The following SURF2 variants were observed in gnomAD, a reference collection of about 807,000 sequenced individuals.
The protein encoded by SURF2 is surfeit 2, also known as surfeit locus protein 2.
SURF2 carries 32 observed loss-of-function variants against 26.2 expected under a neutral mutation model. The ratio of observed to expected loss-of-function variants is 1.22; its 90% CI spans 0.92 to 1.64. The LOEUF (loss-of-function observed/expected upper bound fraction) is 1.64, where lower values mean the gene tolerates loss of function less well. SURF2 is among the 40% of genes most tolerant of loss of function. SURF2 has a pLI of 0.00. For synonymous variants in SURF2, 173 were observed against 139.1 expected, an observed-to-expected ratio of 1.24 and a Z score of -1.71; for missense variants, 415 against 341.6, an observed-to-expected ratio of 1.21 and a Z score of -1.69.
intron 2 of SURF2, 25 bp from the exon 3 acceptor site, chr9:133,357,686 C>T: frequency 2.5e-6 from 4 of 1,610,790 alleles, no homozygotes; most frequent in Non-Finnish European, 2.5e-6. Flanking sequence ...ACTGTCCCTA[C>T]AAATTTGGTC....
At chr9:133,357,163 T>G in intron 2 of SURF2, 95 bp downstream of exon 2, 1 of 1,382,096 alleles carries the variant, frequency 7.2e-7, no homozygotes, top group Non-Finnish European at 9.4e-7. Flanking sequence ...TCTTTCAGAG[T>G]TGGGAGCCCT....
intron 5 of SURF2, 99 bp from the exon 6 acceptor site, chr9:133,360,957 A>C (rs1411598066): frequency 8.0e-7 from 1 of 1,257,622 alleles, no homozygotes; most frequent in Non-Finnish European, 1.1e-6. Flanking sequence ...TTTGACCGAC[A>C]CCTCTGAGGC....
Position 133,360,012 on chromosome 9 carries a change from AGGAG to A in SURF2, c.406_409del (p.Glu136ThrfsTer31). The A allele has an allele frequency of 6.2e-7, 1 of 1,613,986 alleles. No individual in the cohort carries two copies. The highest frequency in any genetic ancestry group is 1.1e-5 in the South Asian group (1 of 91,070). The stretch of plus-strand genomic sequence containing the variant: ...TGCCTGCCTGGTGCACCGGAGGAGG[AGGAG>A]GGAGGACCAGATGGACGGTGACGGG... On this transcript the variant is annotated frameshift_variant, in exon 4 of 6. Transcript: ENST00000371964. LOFTEE classifies it high-confidence loss of function.
chr9:133,361,101 A>C lies in SURF2; in HGVS notation c.733A>C (p.Lys245Gln), dbSNP rs2130057802. 1.9e-6 allele frequency: 3 copies of C among 1,614,202 alleles called. No homozygotes were observed. Among genetic ancestry groups the C allele is most frequent in the Non-Finnish European group, 2.5e-6 (3 of 1,180,014 alleles). ...AAAGAAGTTCAAGAGTCATCACCGCAAACCCAAGAGCTTCAGCTCCTGTAA... is the reference window on the plus strand; with the variant it reads ...AAAGAAGTTCAAGAGTCATCACCGCCAACCCAAGAGCTTCAGCTCCTGTAA... ...LKKKFKSHHR[K>Q]PKSFSSCKQP... Residue 245 changes from lysine (K) to glutamine (Q), a missense_variant, in exon 6 of 6, where the codon AAA becomes CAA. Coordinates refer to ENST00000371964, the MANE Select transcript of SURF2 (RefSeq NM_017503.5).
chr9:133,360,066 G>C lies in SURF2; in HGVS notation c.454G>C (p.Glu152Gln), dbSNP rs2130047373. The C allele has an allele frequency of 6.2e-7, 1 of 1,614,070 alleles. No individual in the cohort carries two copies. The highest frequency in any genetic ancestry group is 2.2e-5 in the East Asian group (1 of 44,874). The change falls in exon 4 of 6, where the codon GAG (glutamate) becomes CAG (glutamine). Residue 152 changes from glutamate to glutamine, a missense_variant. Glu to Gln is a conservative substitution (Grantham distance 29). Transcript: ENST00000371964. Reference protein sequence around the residue: ...DGPRPREAFWEPTSSDEGGAA... With the variant: ...DGPRPREAFWQPTSSDEGGAA... ...GCCTCGCCCGCGGGAAGCCTTCTGG[G>C]AGCCCACATCCAGTGATGAGGGGGG...
chr9:133,361,022 A>G, intron 5 of SURF2, 34 bp from the exon 6 acceptor site: 2 of 1,611,838 alleles, frequency 1.2e-6, no homozygotes, highest in South Asian at 2.2e-5. Context: ...GGGATCAGAA[A>G]GGCTCAGTAA....
rs2130050942 is a variant in SURF2, at chr9:133,360,386, C to G, written c.639C>G (p.Gly213=). ...KPPREKATDE[G]RRETTVYRGL... ...CAAGAGAGAAGGCCACTGATGAGGG[C>G]AGGAGAGAGACGACCGTGTACCGAG... is the stretch of plus-strand genomic sequence containing the variant. Residue 213 remains glycine, a synonymous_variant, in exon 5 of 6, where the codon GGC becomes GGG. Coordinates refer to ENST00000371964, the MANE Select transcript of SURF2 (RefSeq NM_017503.5). 4.3e-6 allele frequency: 7 copies of G among 1,613,274 alleles called. No individual in the cohort carries two copies. The Admixed American group carries it at 5.0e-5, about 12-fold the overall frequency.
intron 2 of SURF2, 67 bp from the exon 3 acceptor site, chr9:133,357,644 G>A: frequency 6.7e-7 from 1 of 1,503,626 alleles, no homozygotes; most frequent in Non-Finnish European, 9.2e-7. Context: ...ATGAGTCCAA[G>A]ACACAGCCAC....
rs1331456508 is a variant in SURF2 at position 133,356,679 on chromosome 9, C to T, written c.78+9C>T. The stretch of plus-strand genomic sequence containing the variant: ...AGACGGACGCCCGCAAGGTTCGCAG[C>T]GCGGGAGGGGAACGGAGTGGCGGAG... On this transcript the variant is annotated intron_variant, in intron 1 of 5. Coordinates refer to ENST00000371964, the MANE Select transcript of SURF2 (RefSeq NM_017503.5). 1.3e-6 allele frequency: 2 copies of T among 1,506,848 alleles called. No homozygotes were observed. Among genetic ancestry groups the T allele is most frequent in the African/African-American group, 1.4e-5 (1 of 70,234 alleles). The allele number at this position is 1,506,848 out of a possible 1,614,324, so 93.3% of individuals were successfully genotyped here. A position where few individuals can be genotyped will look rare whatever the true frequency, so the allele number is the denominator to read the frequency against.
intron 3 of SURF2, among the ~76,000 whole-genome samples, chr9:133,359,501 A>C (rs1283240969): frequency 6.6e-6 from 1 of 152,232 alleles, no homozygotes; most frequent in Non-Finnish European, 1.5e-5. Context: ...AGCAAAGGCC[A>C]GGCAGCCAAC....
At position 133,359,917 on chromosome 9, in the gene SURF2, G is replaced by A. The variant is rs1620024; in HGVS notation, c.338-33G>A. The A allele has an allele frequency of 6.7e-3, 10,611 of 1,577,890 alleles. 56 individuals carry two copies. Among genetic ancestry groups the A allele is most frequent in the Non-Finnish European group, 8.4e-3 (9,778 of 1,160,142 alleles). On this transcript the variant is annotated intron_variant, in intron 3 of 5. Transcript: ENST00000371964. The stretch of plus-strand genomic sequence containing the variant: ...GGCCCAGAGGACCGTGGGGGGTGTG[G>A]AGGTACCCAGCACGTGCTGGCTTAT...
rs2130045618 is a variant in SURF2 at position 133,359,974 on chromosome 9, T to G, written c.362T>G (p.Val121Gly). 3.7e-6 allele frequency: 6 copies of G among 1,611,238 alleles called. No individual in the cohort carries two copies. The African/African-American group carries it at 8.0e-5, about 22-fold the overall frequency. Residue 121 changes from valine (V) to glycine (G), a missense_variant, in exon 4 of 6, where the codon GTG becomes GGG. Coordinates refer to ENST00000371964, the MANE Select transcript of SURF2 (RefSeq NM_017503.5). ...CKYEECQKQG[V>G]EYVPACLVHR... The stretch of plus-strand genomic sequence containing the variant: ...GATGAAGAATGTCAGAAGCAAGGGG[T>G]GGAGTACGTGCCTGCCTGCCTGGTG...
Position 133,356,939 on chromosome 9 carries a change from A to T in SURF2, c.104A>T (p.Glu35Val). 1 of 1,565,640 alleles carries T rather than the reference A, an allele frequency of 6.4e-7. No homozygotes were observed. Among genetic ancestry groups the T allele is most frequent in the Non-Finnish European group, 8.7e-7 (1 of 1,155,730 alleles). The stretch of plus-strand genomic sequence containing the variant: ...GTGAGGTGCATCCTGACAGGTCACG[A>T]GCTGCCCTGCCGCCTGCCGGAGCTC... ...RKVRCILTGHELPCRLPELQV... is the reference protein window; with the variant it reads ...RKVRCILTGHVLPCRLPELQV... The change falls in exon 2 of 6, where the codon GAG (glutamate) becomes GTG (valine). Residue 35 changes from glutamate to valine, a missense_variant. Physicochemically the swap from Glu to Val is moderately radical, Grantham distance 121. Transcript: ENST00000371964.
chr9:133,360,372 G>T lies in SURF2; in HGVS notation c.625G>T (p.Ala209Ser). 1.2e-6 allele frequency: 2 copies of T among 1,613,880 alleles called. No individual in the cohort carries two copies. Among genetic ancestry groups the T allele is most frequent in the Non-Finnish European group, 1.7e-6 (2 of 1,180,016 alleles). Residue 209 changes from alanine to serine, a missense_variant, in exon 5 of 6, where the codon GCC becomes TCC. By Grantham distance (99) the Ala-to-Ser change is moderately conservative. Coordinates refer to ENST00000371964, the MANE Select transcript of SURF2 (RefSeq NM_017503.5). ...GAAGGCAAAGCCCCCAAGAGAGAAG[G>T]CCACTGATGAGGGCAGGAGAGAGAC... ...DEKAKPPREK[A>S]TDEGRRETTV...
rs2130058706 is a variant in SURF2, at chr9:133,361,148, C to T, written c.*9C>T. The T allele has an allele frequency of 3.1e-6, 5 of 1,613,896 alleles. No homozygotes were observed. The highest frequency in any genetic ancestry group is 2.2e-5 in the South Asian group (2 of 91,088). On this transcript the variant is annotated 3_prime_UTR_variant, in exon 6 of 6. Transcript: ENST00000371964. ...GTAAACAGCCAGGTTAATAAAAGCA[C>T]ATGCCGTGAAGTTTCGAGAAAGCCT...
intron 3 of SURF2, among the ~76,000 whole-genome samples, chr9:133,359,325 C>T (rs1399912733): frequency 6.6e-6 from 1 of 152,106 alleles, no homozygotes; most frequent in Non-Finnish European, 1.5e-5. Flanking sequence ...ATGGCCAGGG[C>T]CCAGCAGGGC....
intron 3 of SURF2, among the ~76,000 whole-genome samples, chr9:133,358,780 G>A (rs1390239659): frequency 1.3e-5 from 2 of 152,180 alleles, no homozygotes; most frequent in East Asian, 3.9e-4. Context: ...GCCTTAGGCA[G>A]GTGCTGGGTC....
At chr9:133,358,491 G>A (rs896436575) in intron 3 of SURF2, among the ~76,000 whole-genome samples, 2 of 152,168 alleles carry the variant, frequency 1.3e-5, no homozygotes, top group African/African-American at 4.8e-5. Flanking sequence ...GAAGTATCGG[G>A]CTTTTGAAAC....
At chr9:133,356,843 C>A (rs1836613109) in intron 1 of SURF2, 71 bp from the exon 2 acceptor site, 4 of 1,467,176 alleles carry the variant, frequency 2.7e-6, no homozygotes, top group East Asian at 2.6e-5. Flanking sequence ...GGGAAGGGGG[C>A]GCGGCAGGAG....
Sources: gnomAD v4.1 joint callset for allele counts (sites outside exome capture counted in the v4.1 genomes callset) on GRCh38, gnomAD v4.1.1 for gene constraint, MANE v1.5 for transcripts, NCBI Gene and HGNC (gene_info 2026-07-23, HGNC 2026-07-21) for gene names.